BRAF: variants seen among roughly 807,000 people sequenced by gnomAD.
BRAF encodes the protein serine/threonine-protein kinase B-raf.
A neutral mutation model predicts 104.6 loss-of-function variants in BRAF; 16 were observed. The observed-to-expected ratio is 0.15, with a 90% confidence interval of 0.10 to 0.23. The LOEUF (loss-of-function observed/expected upper bound fraction) is 0.23. Among genes scored for constraint, BRAF ranks in the 10% least tolerant of loss-of-function variants. The pLI is 1.00. For synonymous variants in BRAF, 310 were observed against 341.6 expected, an observed-to-expected ratio of 0.91 and a Z score of 1.02; for missense variants, 541 against 937.3, an observed-to-expected ratio of 0.58 and a Z score of 5.52.
intron 3 of BRAF, among the ~76,000 whole-genome samples, chr7:140,829,623 A>G (rs1376634763): frequency 6.6e-6 from 1 of 152,128 alleles, no homozygotes; most frequent in Non-Finnish European, 1.5e-5. Context: ...ATTAACTTCC[A>G]TCAGATCTTT....
chr7:140,761,762 T>C (rs1382701234), intron 14 of BRAF, among the ~76,000 whole-genome samples: 1 of 152,092 alleles, frequency 6.6e-6, no homozygotes, highest in East Asian at 1.9e-4. Context: ...AAACAGACTT[T>C]AAACCAACAA....
At chr7:140,897,809 T>C (rs560417318) in intron 1 of BRAF, among the ~76,000 whole-genome samples, 2 of 152,060 alleles carry the variant, frequency 1.3e-5, no homozygotes, top group Non-Finnish European at 2.9e-5. Context: ...CAGGAAAGAT[T>C]TCTTAAAAAA....
chr7:140,907,743 G>A (rs1363746816), intron 1 of BRAF, among the ~76,000 whole-genome samples: 1 of 150,672 alleles, frequency 6.6e-6, no homozygotes, highest in Admixed American at 6.6e-5. Context: ...ATGAACCAAA[G>A]TAACTTTTTT....
rs1795528126 is a variant in BRAF at position 140,725,113 on chromosome 7, G to T, written c.*1381C>A. ...AATTGCCCAACCTTTTGAAGACCAG[G>T]CTTGGGAAAAAAGGAAGAAGGAGAA... On this transcript the variant is annotated 3_prime_UTR_variant, in exon 20 of 20. Transcript: ENST00000644969. 6.7e-6 allele frequency: 7 copies of T among 1,042,764 alleles called. No individual in the cohort carries two copies. Among genetic ancestry groups the T allele is most frequent in the Non-Finnish European group, 6.9e-6 (6 of 865,112 alleles). 64.6% of individuals were successfully genotyped at this position (1,042,764 alleles called of 1,614,324 possible).
At chr7:140,817,939 A>G (rs1178013359) in intron 3 of BRAF, among the ~76,000 whole-genome samples, 2 of 152,274 alleles carry the variant, frequency 1.3e-5, no homozygotes, top group Non-Finnish European at 2.9e-5. Flanking sequence ...ATGTGTTAAC[A>G]TATAAATACA....
chr7:140,837,492 C>A (rs1807471288), intron 2 of BRAF, among the ~76,000 whole-genome samples: 1 of 152,224 alleles, frequency 6.6e-6, no homozygotes, highest in Non-Finnish European at 1.5e-5. Context: ...TTGGTGATAT[C>A]TTAAGATTTT....
At chr7:140,849,450 A>C (rs568207431) in intron 2 of BRAF, among the ~76,000 whole-genome samples, 78 of 152,088 alleles carry the variant, frequency 5.1e-4, no homozygotes, top group Non-Finnish European at 1.0e-3. Flanking sequence ...ATATTTTAAA[A>C]AATTACCCCA....
intron 12 of BRAF, 176 bp downstream of exon 11, chr7:140,781,400 C>T (rs1316822890): frequency 1.5e-6 from 1 of 664,002 alleles, no homozygotes; most frequent in African/African-American, 1.8e-5. Flanking sequence ...CTGCTGTGAA[C>T]AGTTTTTATT....
intron 1 of BRAF, among the ~76,000 whole-genome samples, chr7:140,903,306 A>G (rs965591404): frequency 6.6e-6 from 1 of 152,198 alleles, no homozygotes; most frequent in Non-Finnish European, 1.5e-5. Context: ...CATTCCAAAA[A>G]TCCTAGGGCC....
chr7:140,837,553 G>C (rs1216359795), intron 2 of BRAF, among the ~76,000 whole-genome samples: 1 of 152,038 alleles, frequency 6.6e-6, no homozygotes, highest in African/African-American at 2.4e-5. Flanking sequence ...ACAAATTTTG[G>C]GTAAGTCTGA....
intron 1 of BRAF, among the ~76,000 whole-genome samples, chr7:140,901,263 T>C (rs1349839927): frequency 6.6e-6 from 1 of 152,196 alleles, no homozygotes; most frequent in Non-Finnish European, 1.5e-5. Flanking sequence ...TCCCAGTACT[T>C]AACCTGTATT....
intron 16 of BRAF, 96 bp from the exon 16 acceptor site, chr7:140,749,514 A>G (rs2128994974): frequency 7.7e-7 from 1 of 1,300,850 alleles, no homozygotes; most frequent in Non-Finnish European, 1.1e-6. Context: ...TTTTACCATT[A>G]AAACACCTGT....
At chr7:140,858,948 A>G (rs1810097606) in intron 1 of BRAF, among the ~76,000 whole-genome samples, 1 of 152,130 alleles carries the variant, frequency 6.6e-6, no homozygotes. Context: ...CAGGGCTAAT[A>G]CCTATTAACT....
intron 1 of BRAF, among the ~76,000 whole-genome samples, chr7:140,859,583 A>G (rs1810175469): frequency 6.6e-6 from 1 of 152,152 alleles, no homozygotes; most frequent in Non-Finnish European, 1.5e-5. Flanking sequence ...AAGATTCAAT[A>G]TTATAATGAT....
chr7:140,800,636 TA>T (rs939015613), intron 6 of BRAF, among the ~76,000 whole-genome samples, 155 bp from the exon 7 acceptor site: 2 of 152,098 alleles, frequency 1.3e-5, no homozygotes, highest in African/African-American at 2.4e-5. Context: ...AGGCTTATTT[TA>T]AAAAAAATTG....
rs919667473 is a variant in BRAF at position 140,723,667 on chromosome 7, T to C, written c.*2827A>G. ...TACTACACAGTTACAAACAATCCTC[T>C]GTAGTTGCTCTCAAATTTTTCAGAA... On this transcript the variant is annotated 3_prime_UTR_variant, in exon 20 of 20. Transcript: ENST00000644969. The C allele has an allele frequency of 2.6e-5, 27 of 1,050,912 alleles. No individual in the cohort carries two copies. The highest frequency in any genetic ancestry group is 2.2e-4 in the African/African-American group (13 of 60,292). The allele number at this position is 1,050,912 out of a possible 1,614,324, so 65.1% of individuals were successfully genotyped here.
intron 3 of BRAF, among the ~76,000 whole-genome samples, chr7:140,831,365 G>A (rs71543386): frequency 0.021 from 3,157 of 152,236 alleles, 36 homozygotes; most frequent in South Asian, 0.036. Flanking sequence ...TTACTCCTCG[G>A]TAGATTAACG....
Position 140,725,008 on chromosome 7 carries a change from G to C in BRAF, c.*1486C>G. 7 of 1,046,676 alleles carry C rather than the reference G, an allele frequency of 6.7e-6. No homozygotes were observed. The highest frequency in any genetic ancestry group is 6.9e-6 in the Non-Finnish European group (6 of 867,526). 64.8% of individuals were successfully genotyped at this position (1,046,676 alleles called of 1,614,324 possible). A position where few individuals can be genotyped will look rare whatever the true frequency, so the allele number is the denominator to read the frequency against. On this transcript the variant is annotated 3_prime_UTR_variant, in exon 20 of 20. Coordinates refer to ENST00000644969, the MANE Select transcript of BRAF (RefSeq NM_001374258.1). ...GCCAGTTCTTTCTATAAAAACAACT[G>C]ATGACAGCTTTCCCACACCCTCCCT...
At chr7:140,872,245 T>TA (rs1219233574) in intron 1 of BRAF, among the ~76,000 whole-genome samples, 38 of 127,432 alleles carry the variant, frequency 3.0e-4, no homozygotes, top group Non-Finnish European at 4.4e-4. Context: ...ATAAATAAAT[T>TA]GCACAGAACA....
Sources: allele counts gnomAD v4.1 joint callset (sites outside exome capture counted in the v4.1 genomes callset), GRCh38; gene constraint gnomAD v4.1.1; transcripts MANE v1.5; gene names NCBI Gene and HGNC (gene_info 2026-07-23, HGNC 2026-07-21).